The following ARHGAP26 variants were observed in gnomAD, a reference collection of about 807,000 sequenced individuals.
ARHGAP26 encodes the protein Rho GTPase activating protein 26.
ARHGAP26 carries 38 observed loss-of-function variants against 104.8 expected under a neutral mutation model. That is an observed-to-expected ratio of 0.36 (90% CI 0.28 to 0.48). The LOEUF (loss-of-function observed/expected upper bound fraction) is 0.48, where lower values mean the gene tolerates loss of function less well. Ranked by LOEUF, ARHGAP26 falls within the 20% of genes least tolerant of loss-of-function variation. The probability of loss-of-function intolerance (pLI) is 0.99; values close to 1 mark genes in which losing one functional copy is unlikely to be tolerated. For synonymous variants in ARHGAP26, 341 were observed against 340.0 expected (o/e 1.00, Z -0.03); for missense variants, 704 against 947.9 (o/e 0.74, Z 3.38).
At chr5:142,839,832 C>T (rs947423237) in intron 1 of ARHGAP26, among the ~76,000 whole-genome samples, 1 of 138,054 alleles carries the variant, frequency 7.2e-6, no homozygotes, top group African/African-American at 2.7e-5. Flanking sequence ...AGCTCAGAGA[C>T]TGGAGACCTT....
At chr5:142,785,616 T>TA (rs145557943) in intron 1 of ARHGAP26, among the ~76,000 whole-genome samples, 2,023 of 152,290 alleles carry the variant, frequency 0.013, 50 homozygotes, top group African/African-American at 0.047. Context: ...AAATTGCCAG[T>TA]ACTATCCTGA....
intron 11 of ARHGAP26, among the ~76,000 whole-genome samples, chr5:142,960,105 G>A (rs712186): frequency 0.48 from 72,299 of 152,174 alleles, 20,999 homozygotes; most frequent in East Asian, 0.91. Flanking sequence ...TCTCATCCAA[G>A]TAAGACAGCT....
At chr5:143,034,539 A>G (rs1782338787) in intron 12 of ARHGAP26, among the ~76,000 whole-genome samples, 1 of 152,216 alleles carries the variant, frequency 6.6e-6, no homozygotes, top group African/African-American at 2.4e-5. Context: ...AGGTGTTCAC[A>G]ATAGGCAAAT....
At chr5:143,186,697 T>C (rs1805188322) in intron 20 of ARHGAP26, among the ~76,000 whole-genome samples, 1 of 152,222 alleles carries the variant, frequency 6.6e-6, no homozygotes, top group Non-Finnish European at 1.5e-5. Context: ...CCTGTGGACC[T>C]ATTTGCCACT....
intron 17 of ARHGAP26, among the ~76,000 whole-genome samples, chr5:143,111,316 G>GTCTC (rs151096038): frequency 6.6e-6 from 1 of 150,826 alleles, no homozygotes; most frequent in Non-Finnish European, 1.5e-5. Flanking sequence ...CTGTCTGTCA[G>GTCTC]TCTCTCTCTC....
rs187302228 is a variant in ARHGAP26 at position 143,192,311 on chromosome 5, A to G, written c.1989-14887A>G. On this transcript the variant is annotated intron_variant, in intron 20 of 22. Transcript: ENST00000645722. ...GATGAGCAGTGGTTACAGGAAAGGG[A>G]AAGGCATTTCAGATGGGAACAGCAG... 1.8e-3 allele frequency among the ~76,000 whole-genome samples: 273 copies of G among 152,322 alleles called. 8 individuals are homozygous for G. The highest frequency in any genetic ancestry group is 2.5e-3 in the Non-Finnish European group (170 of 68,038).
chr5:142,775,396 A>G (rs867968532), intron 1 of ARHGAP26, among the ~76,000 whole-genome samples: 1 of 152,146 alleles, frequency 6.6e-6, no homozygotes, highest in Admixed American at 6.5e-5. Flanking sequence ...TGCCATCTGC[A>G]TATCTTCTTT....
intron 19 of ARHGAP26, among the ~76,000 whole-genome samples, chr5:143,136,570 T>C (rs749472136): frequency 2.3e-4 from 35 of 152,324 alleles, no homozygotes; most frequent in South Asian, 8.3e-4. Context: ...AGAGACCCCT[T>C]TTTTTCTGCG....
intron 18 of ARHGAP26, among the ~76,000 whole-genome samples, chr5:143,124,580 C>T (rs1796506784): frequency 6.6e-6 from 1 of 152,180 alleles, no homozygotes; most frequent in Admixed American, 6.5e-5. Flanking sequence ...GCCACAAGAC[C>T]CCCCTCTTTC....
chr5:143,210,166 C>T (rs929333142), intron 21 of ARHGAP26, among the ~76,000 whole-genome samples: 10 of 152,118 alleles, frequency 6.6e-5, no homozygotes, highest in Admixed American at 2.0e-4. Flanking sequence ...AGACGTTTAA[C>T]GGACTTGCAG....
chr5:142,917,058 T>A (rs1273899414), intron 10 of ARHGAP26, among the ~76,000 whole-genome samples: 1 of 134,072 alleles, frequency 7.5e-6, no homozygotes, highest in Non-Finnish European at 1.6e-5. Flanking sequence ...TTTTTTTTTT[T>A]AGATGGAGTC....
intron 17 of ARHGAP26, among the ~76,000 whole-genome samples, chr5:143,081,339 T>C (rs1392251743): frequency 6.6e-6 from 1 of 152,204 alleles, no homozygotes; most frequent in Non-Finnish European, 1.5e-5. Context: ...AGCCTTTGGC[T>C]GTATTCTAGT....
rs868866270 is a variant in ARHGAP26 at position 143,222,402 on chromosome 5, G to A, written c.2236G>A (p.Gly746Arg). The A allele has an allele frequency of 6.8e-6, 11 of 1,606,006 alleles. No homozygotes were observed. Among genetic ancestry groups the A allele is most frequent in the East Asian group, 2.2e-5 (1 of 44,806 alleles). ...TGGCTGGTTGGAGGGGACTCTGAAC[G>A]GAAAGACTGGCCTCATCCCTGAGAA... is the stretch of plus-strand genomic sequence containing the variant. ...EPGWLEGTLN[G>R]KTGLIPENYV... The change falls in exon 23 of 23, where the codon GGA becomes AGA. Residue 746 changes from glycine (G) to arginine (R), a missense_variant. Gly to Arg is a moderately radical substitution (Grantham distance 125). Around this residue, in one of 6 missense-constraint regions of ARHGAP26, gnomAD observed 217 missense variants for 242.6 expected, o/e 0.89. Coordinates refer to ENST00000645722, the MANE Select transcript of ARHGAP26 (RefSeq NM_001135608.3).
At chr5:142,853,530 C>G (rs752851128) in intron 1 of ARHGAP26, among the ~76,000 whole-genome samples, 1 of 152,176 alleles carries the variant, frequency 6.6e-6, no homozygotes, top group Non-Finnish European at 1.5e-5. Context: ...AGTCAGGCTT[C>G]TGGGTTTTCA....
chr5:142,831,491 C>A (rs538816731), intron 1 of ARHGAP26, among the ~76,000 whole-genome samples: 37 of 152,264 alleles, frequency 2.4e-4, no homozygotes, highest in African/African-American at 8.4e-4. Flanking sequence ...CAGATGTTCA[C>A]CCCTGGCTTG....
At chr5:142,861,322 T>C (rs998864288) in intron 1 of ARHGAP26, among the ~76,000 whole-genome samples, 2 of 151,848 alleles carry the variant, frequency 1.3e-5, no homozygotes, top group East Asian at 3.9e-4. Flanking sequence ...TGTTATTAGG[T>C]GTGGCTTTGT....
intron 8 of ARHGAP26, 43 bp from the exon 9 acceptor site, chr5:142,907,661 C>T: frequency 7.2e-7 from 1 of 1,383,522 alleles, no homozygotes; most frequent in Non-Finnish European, 1.0e-6. Flanking sequence ...GTATAGCATA[C>T]AGTGGAATGT....
At chr5:143,008,733 T>G (rs757955403) in intron 11 of ARHGAP26, among the ~76,000 whole-genome samples, 1 of 152,262 alleles carries the variant, frequency 6.6e-6, no homozygotes, top group Non-Finnish European at 1.5e-5. Flanking sequence ...TAGATTGTTT[T>G]GTCAAATTTT....
chr5:143,013,322 G>A (rs144265200), intron 11 of ARHGAP26, among the ~76,000 whole-genome samples: 9 of 152,164 alleles, frequency 5.9e-5, no homozygotes, highest in African/African-American at 2.2e-4. Context: ...TTGCCTCTTG[G>A]CCCACAAAGC....
Sources: gnomAD v4.1 joint callset for allele counts (sites outside exome capture counted in the v4.1 genomes callset) on GRCh38, gnomAD v4.1.1 for gene constraint, gnomAD v4.1.1 regional missense constraint, MANE v1.5 for transcripts, NCBI Gene and HGNC (gene_info 2026-07-23, HGNC 2026-07-21) for gene names.